Variants in PPP1CB observed in about 807,000 individuals in gnomAD.
PPP1CB encodes serine/threonine-protein phosphatase PP1-beta catalytic subunit.
Under a neutral mutation model 43.7 loss-of-function variants are expected in PPP1CB, and 2 were observed. That is an observed-to-expected ratio of 0.05 (90% CI 0.02 to 0.14). The LOEUF is 0.14. PPP1CB is among the 10% of genes least tolerant of loss of function. PPP1CB has a pLI of 1.00. For missense variants in PPP1CB, 84 were observed against 398.0 expected (o/e 0.21, Z 6.71); for synonymous variants, 136 against 135.6 (o/e 1.00, Z -0.02).
At position 28,800,817 on chromosome 2, in the gene PPP1CB, C is replaced by T. The variant is rs1218132666; in HGVS notation, c.*1514C>T. 2 of 152,448 alleles carry T rather than the reference C, an allele frequency of 1.3e-5. No individual in the cohort carries two copies. The highest frequency in any genetic ancestry group is 2.9e-5 in the Non-Finnish European group (2 of 67,936). The allele number at this position is 152,448 out of a possible 1,614,324, so 9.4% of individuals were successfully genotyped here. A position where few individuals can be genotyped will look rare whatever the true frequency, so the allele number is the denominator to read the frequency against. ...TCTATATGTGCTACCATAGATGTGA[C>T]ATTTTTGACCTTAATATCGTCTTTG... is the stretch of plus-strand genomic sequence containing the variant. On this transcript the variant is annotated 3_prime_UTR_variant, in exon 8 of 8. Transcript: ENST00000395366.
At chr2:28,777,039 G>GT in intron 2 of PPP1CB, 57 bp downstream of exon 2, 1 of 1,568,668 alleles carries the variant, frequency 6.4e-7, no homozygotes. Context: ...TTCCTCCCAT[G>GT]TTTAAGATCT....
At chr2:28,775,331 G>A (rs956396629) in intron 1 of PPP1CB, among the ~76,000 whole-genome samples, 5 of 151,906 alleles carry the variant, frequency 3.3e-5, no homozygotes, top group South Asian at 2.1e-4. Flanking sequence ...GCGATCTTGC[G>A]CTCCTGAGCT....
chr2:28,780,152 G>C (rs1016576939), intron 3 of PPP1CB, among the ~76,000 whole-genome samples: 1 of 140,000 alleles, frequency 7.1e-6, no homozygotes. Flanking sequence ...GCAATGGCAC[G>C]ATCTCAGCTC....
At chr2:28,760,887 G>C (rs1666627325) in intron 1 of PPP1CB, among the ~76,000 whole-genome samples, 1 of 152,042 alleles carries the variant, frequency 6.6e-6, no homozygotes, top group African/African-American at 2.4e-5. Context: ...CCAAACTAGC[G>C]AGACAAAAAG....
At chr2:28,784,917 CA>C (rs869155670) in intron 5 of PPP1CB, among the ~76,000 whole-genome samples, 94 of 79,108 alleles carry the variant, frequency 1.2e-3, no homozygotes, top group East Asian at 8.9e-3. Context: ...GAAACTGTCT[CA>C]AAAAAAAAAA....
At chr2:28,773,025 T>TA (rs1666947394) in intron 1 of PPP1CB, among the ~76,000 whole-genome samples, 1 of 152,144 alleles carries the variant, frequency 6.6e-6, no homozygotes, top group Admixed American at 6.5e-5. Flanking sequence ...CTGATAGCAA[T>TA]AAGGATAGTA....
rs58673755 is a variant in PPP1CB, at chr2:28,771,040, T to TCCC, written c.53-5802_53-5800dup. 3.2e-3 allele frequency among the ~76,000 whole-genome samples: 222 copies of TCCC among 69,962 alleles called. 3 individuals are homozygous for TCCC. The highest frequency in any genetic ancestry group is 6.2e-3 in the East Asian group (10 of 1,612). The allele number at this position is 69,962 out of a possible 152,430, so 45.9% of individuals were successfully genotyped here. On this transcript the variant is annotated intron_variant, in intron 1 of 7. Transcript: ENST00000395366. ...CTAGACTTACCTACTTATTCCCTGCTCCCCCCCCCCCACCCTTTTTTTTTT... is the reference window on the plus strand; with the variant it reads ...CTAGACTTACCTACTTATTCCCTGCTCCCCCCCCCCCCCCACCCTTTTTTTTTT...
chr2:28,787,894 A>G (rs182178599), intron 5 of PPP1CB, among the ~76,000 whole-genome samples: 92 of 152,236 alleles, frequency 6.0e-4, no homozygotes, highest in African/African-American at 2.2e-3. Context: ...TATGATGACA[A>G]TACTCAAGTA....
intron 1 of PPP1CB, among the ~76,000 whole-genome samples, chr2:28,756,203 T>C (rs1304269883): frequency 1.3e-5 from 2 of 152,262 alleles, no homozygotes. Flanking sequence ...AAGTATTTTT[T>C]AACATATTAC....
intron 1 of PPP1CB, among the ~76,000 whole-genome samples, chr2:28,755,100 G>A (rs1666453911): frequency 6.6e-6 from 1 of 152,128 alleles, no homozygotes. Context: ...CCAGGCTGGA[G>A]TGCGGTGGGG....
intron 6 of PPP1CB, among the ~76,000 whole-genome samples, chr2:28,792,748 C>T (rs1304836642): frequency 1.3e-5 from 2 of 151,946 alleles, no homozygotes; most frequent in East Asian, 3.9e-4. Flanking sequence ...CAAGTGGTGT[C>T]GGATAATTTT....
At chr2:28,777,341 C>G (rs1360507236) in intron 2 of PPP1CB, 1 of 153,976 alleles carries the variant, frequency 6.5e-6, no homozygotes, top group Non-Finnish European at 1.4e-5. Flanking sequence ...CAGTGATGTG[C>G]AATTTAAAGC....
At position 28,782,061 on chromosome 2, in the gene PPP1CB, T is replaced by A. The variant is rs904751302; in HGVS notation, c.520+219T>A. The A allele has an allele frequency of 3.9e-5, 21 of 543,664 alleles. No individual in the cohort carries two copies. The East Asian group carries it at 6.8e-4, about 18-fold the overall frequency. The allele number at this position is 543,664 out of a possible 1,614,324, so 33.7% of individuals were successfully genotyped here. A position where few individuals can be genotyped will look rare whatever the true frequency, so the allele number is the denominator to read the frequency against. Reference sequence around the variant, plus strand: ...TAAATACAGTTTCACATATAAGGAGTGTAACTAGAGTTGTTTGAGAAAGTC... The same window carrying A: ...TAAATACAGTTTCACATATAAGGAGAGTAACTAGAGTTGTTTGAGAAAGTC... On this transcript the variant is annotated intron_variant, in intron 4 of 7. Coordinates refer to ENST00000395366, the MANE Select transcript of PPP1CB (RefSeq NM_002709.3).
Position 28,778,840 on chromosome 2 carries a change from G to C in PPP1CB, c.216G>C (p.Leu72=), listed in dbSNP as rs761750570. The change falls in exon 3 of 8, where the codon CTG becomes CTC. Residue 72 remains leucine (L), a synonymous_variant. Coordinates refer to ENST00000395366, the MANE Select transcript of PPP1CB (RefSeq NM_002709.3). The part of the protein sequence containing the change: ...GDIHGQYTDL[L]RLFEYGGFPP... Reference sequence around the variant, plus strand: ...TTCATGGACAATATACAGATTTACTGAGATTATTTGAATATGGAGGTTTCC... The same window carrying C: ...TTCATGGACAATATACAGATTTACTCAGATTATTTGAATATGGAGGTTTCC... The C allele has an allele frequency of 6.3e-7, 1 of 1,598,014 alleles. No homozygotes were observed. Among genetic ancestry groups the C allele is most frequent in the South Asian group, 1.1e-5 (1 of 90,758 alleles).
chr2:28,785,064 G>GTTTTTTT (rs1558307639), intron 5 of PPP1CB, among the ~76,000 whole-genome samples: 1 of 93,798 alleles, frequency 1.1e-5, no homozygotes, highest in African/African-American at 4.1e-5. Flanking sequence ...TGTGTTAGGA[G>GTTTTTTT]CTTTTTTTTT....
chr2:28,793,527 CAAA>C (rs1044472481), intron 6 of PPP1CB, among the ~76,000 whole-genome samples: 5 of 151,062 alleles, frequency 3.3e-5, no homozygotes, highest in Admixed American at 6.6e-5. Context: ...AACTTAAAAA[CAAA>C]AAAAGTACTT....
intron 1 of PPP1CB, among the ~76,000 whole-genome samples, chr2:28,774,319 C>T (rs1332320741): frequency 6.6e-6 from 1 of 152,186 alleles, no homozygotes; most frequent in Non-Finnish European, 1.5e-5. Context: ...ACAACTAATA[C>T]ACAGTAGACT....
intron 5 of PPP1CB, among the ~76,000 whole-genome samples, chr2:28,787,517 C>T (rs140218596): frequency 2.6e-5 from 4 of 152,250 alleles, no homozygotes; most frequent in Non-Finnish European, 5.9e-5. Flanking sequence ...TCACCATCAC[C>T]ATCTCAACAT....
intron 1 of PPP1CB, among the ~76,000 whole-genome samples, chr2:28,755,145 G>A (rs1483336757): frequency 6.6e-6 from 1 of 152,072 alleles, no homozygotes; most frequent in East Asian, 1.9e-4. Context: ...GCCCCTGCAG[G>A]TCCAAGCGAT....
Sources: gnomAD v4.1 joint callset for allele counts (sites outside exome capture counted in the v4.1 genomes callset) on GRCh38, gnomAD v4.1.1 for gene constraint, MANE v1.5 for transcripts, NCBI Gene and HGNC (gene_info 2026-07-23, HGNC 2026-07-21) for gene names.